The following ANTXR1 variants were observed in gnomAD, a reference collection of about 807,000 sequenced individuals.
The protein encoded by ANTXR1 is ANTXR cell adhesion molecule 1.
A neutral mutation model predicts 78.1 loss-of-function variants in ANTXR1; 19 were observed. That is an observed-to-expected ratio of 0.24 (90% CI 0.17 to 0.36). The LOEUF is 0.36. Among genes scored for constraint, ANTXR1 ranks in the 10% least tolerant of loss-of-function variants. ANTXR1 has a pLI of 1.00. For missense variants in ANTXR1, 518 were observed against 718.6 expected (o/e 0.72, Z 3.19); for synonymous variants, 273 against 260.5 (o/e 1.05, Z -0.46).
chr2:69,047,484 C>G (rs1293361687), intron 3 of ANTXR1, among the ~76,000 whole-genome samples: 1 of 152,082 alleles, frequency 6.6e-6, no homozygotes, highest in Non-Finnish European at 1.5e-5. Context: ...TCGTTTTTCT[C>G]TGTTTTCACA....
chr2:69,149,540 G>A (rs369177668), intron 12 of ANTXR1, among the ~76,000 whole-genome samples: 2 of 152,182 alleles, frequency 1.3e-5, no homozygotes, highest in East Asian at 3.8e-4. Context: ...GGGAAATTGT[G>A]TATAATGTGA....
intron 16 of ANTXR1, among the ~76,000 whole-genome samples, chr2:69,186,905 G>A (rs368266008): frequency 5.8e-4 from 89 of 152,262 alleles, no homozygotes; most frequent in Non-Finnish European, 1.1e-3. Flanking sequence ...GATGGGGGCC[G>A]GCAGGTCAGG....
At chr2:69,059,728 A>C (rs1670177238) in intron 3 of ANTXR1, among the ~76,000 whole-genome samples, 1 of 152,192 alleles carries the variant, frequency 6.6e-6, no homozygotes, top group South Asian at 2.1e-4. Context: ...TTTTATATGC[A>C]CTGGGAGGCC....
chr2:69,065,666 T>G (rs995921932), intron 3 of ANTXR1, among the ~76,000 whole-genome samples: 1 of 152,240 alleles, frequency 6.6e-6, no homozygotes, highest in South Asian at 2.1e-4. Flanking sequence ...TGGTTCAGCA[T>G]GCATCTTGAT....
At chr2:69,024,536 G>A (rs970155878) in intron 1 of ANTXR1, among the ~76,000 whole-genome samples, 1 of 152,246 alleles carries the variant, frequency 6.6e-6, no homozygotes. Flanking sequence ...GCAAAGAATT[G>A]TATTAGTGAG....
intron 1 of ANTXR1, among the ~76,000 whole-genome samples, chr2:69,028,180 T>C (rs923148969): frequency 5.3e-5 from 8 of 152,184 alleles, no homozygotes; most frequent in Non-Finnish European, 1.0e-4. Flanking sequence ...TTTCAATGCT[T>C]TAATAGAAGA....
intron 9 of ANTXR1, among the ~76,000 whole-genome samples, chr2:69,095,412 G>A (rs1275946964): frequency 2.0e-5 from 3 of 152,112 alleles, no homozygotes; most frequent in Non-Finnish European, 4.4e-5. Flanking sequence ...ACAAAACCAC[G>A]CAGTAAGCAC....
chr2:69,119,258 C>T (rs1219470328), intron 10 of ANTXR1, among the ~76,000 whole-genome samples: 7 of 152,146 alleles, frequency 4.6e-5, no homozygotes, highest in South Asian at 2.1e-4. Context: ...CTGGCTGTGG[C>T]GCTGCAGTGC....
intron 17 of ANTXR1, among the ~76,000 whole-genome samples, chr2:69,244,792 A>G (rs762358718): frequency 3.9e-5 from 6 of 152,180 alleles, no homozygotes; most frequent in African/African-American, 1.4e-4. Flanking sequence ...TCTGGAGTCT[A>G]TTTTGGGTTA....
intron 16 of ANTXR1, among the ~76,000 whole-genome samples, chr2:69,189,282 C>T (rs1674497451): frequency 6.6e-6 from 1 of 152,212 alleles, no homozygotes; most frequent in Admixed American, 6.5e-5. Context: ...ATCAAGCATG[C>T]CCTGCAAGTC....
intron 14 of ANTXR1, among the ~76,000 whole-genome samples, chr2:69,175,932 T>C: frequency 6.6e-6 from 1 of 152,018 alleles, no homozygotes; most frequent in East Asian, 1.9e-4. Flanking sequence ...GCCAGATAAG[T>C]TGAACTCCTA....
chr2:69,096,061 A>G (rs905867908), intron 9 of ANTXR1, among the ~76,000 whole-genome samples: 12 of 151,978 alleles, frequency 7.9e-5, no homozygotes, highest in African/African-American at 2.9e-4. Context: ...GATCGAGACC[A>G]TCCTGGCTAA....
chr2:69,159,018 T>G (rs1673605439), intron 13 of ANTXR1, among the ~76,000 whole-genome samples: 1 of 152,168 alleles, frequency 6.6e-6, no homozygotes, highest in Non-Finnish European at 1.5e-5. Flanking sequence ...TAAGTCTTCC[T>G]AGGGGAAGAG....
chr2:69,017,521 G>A (rs1671058558), intron 1 of ANTXR1, among the ~76,000 whole-genome samples: 1 of 152,142 alleles, frequency 6.6e-6, no homozygotes, highest in African/African-American at 2.4e-5. Context: ...CTGGCCTGGA[G>A]GGAACCCAGA....
At chr2:69,024,485 A>G (rs1421224846) in intron 1 of ANTXR1, among the ~76,000 whole-genome samples, 2 of 152,206 alleles carry the variant, frequency 1.3e-5, no homozygotes, top group African/African-American at 4.8e-5. Context: ...AAGAAATTAC[A>G]CTAAACAGAG....
intron 17 of ANTXR1, among the ~76,000 whole-genome samples, chr2:69,204,252 T>C (rs1472119682): frequency 2.6e-5 from 4 of 152,176 alleles, no homozygotes; most frequent in Non-Finnish European, 1.5e-5. Context: ...GGTTAGATTA[T>C]AGATGGCAAA....
At chr2:69,194,175 C>T (rs1303684944) in intron 17 of ANTXR1, among the ~76,000 whole-genome samples, 1 of 152,230 alleles carries the variant, frequency 6.6e-6, no homozygotes, top group African/African-American at 2.4e-5. Context: ...GTAACTTACA[C>T]TGGAAACAAC....
At position 69,013,871 on chromosome 2, in the gene ANTXR1, C is replaced by G. The variant is rs1017962657; in HGVS notation, c.152+220C>G. On this transcript the variant is annotated intron_variant, in intron 1 of 17. Transcript: ENST00000303714. This position sits in a 1 kb window ranked among gnomAD's most constrained non-coding sequence, Gnocchi z 5.0. ...CGCAGCCGAGGCGACGCCGCTTGCTCGGAAGGGGACAGACTTCTTTTCTGT... is the reference window on the plus strand; with the variant it reads ...CGCAGCCGAGGCGACGCCGCTTGCTGGGAAGGGGACAGACTTCTTTTCTGT... Among the ~76,000 whole-genome samples, 2 of 152,166 alleles carry G rather than the reference C, an allele frequency of 1.3e-5. No homozygotes were observed. The highest frequency in any genetic ancestry group is 2.9e-5 in the Non-Finnish European group (2 of 68,030).
chr2:69,154,415 C>T (rs1357251302), intron 13 of ANTXR1, among the ~76,000 whole-genome samples: 1 of 152,144 alleles, frequency 6.6e-6, no homozygotes, highest in Non-Finnish European at 1.5e-5. Flanking sequence ...TCACTTGCTT[C>T]CTTGATGAGG....
Sources: allele counts gnomAD v4.1 joint callset (sites outside exome capture counted in the v4.1 genomes callset), GRCh38; gene constraint gnomAD v4.1.1; non-coding constraint Gnocchi (gnomAD v3.1); transcripts MANE v1.5; gene names NCBI Gene and HGNC (gene_info 2026-07-23, HGNC 2026-07-21).